The following POC1A variants were observed in gnomAD, a reference collection of about 807,000 sequenced individuals.
POC1A encodes the protein POC1 centriolar protein homolog A.
In POC1A, 34 loss-of-function variants were observed where a neutral mutation model predicts 47.8. The observed-to-expected ratio is 0.71, with a 90% CI of 0.54 to 0.95. The LOEUF is 0.95. Among genes scored for constraint, POC1A ranks in the 40% least tolerant of loss-of-function variants. The pLI, the probability that POC1A is intolerant of heterozygous loss-of-function variation, is 0.00. For synonymous variants in POC1A, 177 were observed against 207.6 expected (o/e 0.85, Z 1.27); for missense variants, 466 against 528.3 (o/e 0.88, Z 1.16).
At chr3:52,117,928 T>G (rs1703628263) in intron 9 of POC1A, among the ~76,000 whole-genome samples, 1 of 152,172 alleles carries the variant, frequency 6.6e-6, no homozygotes, top group Non-Finnish European at 1.5e-5. Context: ...GGTGTTAAAT[T>G]CAAGATCAGC....
intron 7 of POC1A, among the ~76,000 whole-genome samples, chr3:52,131,486 CCT>C (rs1191895909): frequency 3.9e-5 from 6 of 152,188 alleles, no homozygotes; most frequent in Admixed American, 2.6e-4. Context: ...TGTCACACCC[CCT>C]GACCAAGACT....
chr3:52,080,858 G>A (rs530117597), intron 10 of POC1A, among the ~76,000 whole-genome samples: 6 of 152,280 alleles, frequency 3.9e-5, no homozygotes, highest in African/African-American at 9.6e-5. Context: ...TCCCTAAATC[G>A]GAGTGACAGG....
At chr3:52,112,269 T>C (rs1209669501) in intron 9 of POC1A, among the ~76,000 whole-genome samples, 1 of 152,170 alleles carries the variant, frequency 6.6e-6, no homozygotes, top group Admixed American at 6.5e-5. Context: ...TTCTCCCGCC[T>C]CAGCCCTGAA....
intron 10 of POC1A, among the ~76,000 whole-genome samples, chr3:52,092,922 T>G (rs1702690709): frequency 6.6e-6 from 1 of 152,214 alleles, no homozygotes; most frequent in South Asian, 2.1e-4. Context: ...CCCCACTTGC[T>G]GGCTTGCTCC....
At position 52,119,168 on chromosome 3, in the gene POC1A, A is replaced by G. The variant is rs972884310; in HGVS notation, c.981+3211T>C. ...CCAGTTGAACAGAGTCCTCACACTC[A>G]AGGCTGCTGGAATAGTCCTCGTCCG... is the stretch of plus-strand genomic sequence containing the variant. On this transcript the variant is annotated intron_variant, in intron 9 of 10. Coordinates refer to ENST00000296484, the MANE Select transcript of POC1A (RefSeq NM_015426.5). Among the ~76,000 whole-genome samples the G allele has an allele frequency of 3.3e-5, 5 of 152,086 alleles. No individual in the cohort carries two copies. The South Asian group carries it at 1.0e-3, about 32-fold the overall frequency.
In POC1A at chr3:52,151,086, C is replaced by T. The variant is rs1254110559; in HGVS notation, c.33G>A (p.Leu11=). The T allele has an allele frequency of 1.2e-6, 2 of 1,609,880 alleles. No individual in the cohort carries two copies. The stretch of plus-strand genomic sequence containing the variant: ...CTCGGTGGCCCTTAAAATGCCTTTC[C>T]AGCGAGGGGTCCTCCTGAGAGAGAG... The part of the protein sequence containing the change: MAAPCAEDPS[L]ERHFKGHRDA... The change falls in exon 2 of 11, where the codon CTG becomes CTA. Residue 11 remains leucine, a synonymous_variant. Coordinates refer to ENST00000296484, the MANE Select transcript of POC1A (RefSeq NM_015426.5).
intron 10 of POC1A, among the ~76,000 whole-genome samples, chr3:52,096,199 G>A (rs995146634): frequency 2.6e-5 from 4 of 152,386 alleles, no homozygotes; most frequent in South Asian, 4.1e-4. Flanking sequence ...TAGGTTCTCA[G>A]AAGCCCTGAC....
chr3:52,128,084 CAA>C (rs1453790558), intron 7 of POC1A, among the ~76,000 whole-genome samples: 1 of 152,048 alleles, frequency 6.6e-6, no homozygotes, highest in African/African-American at 2.4e-5. Flanking sequence ...TGAGGAAAAA[CAA>C]AGAGGAAACA....
chr3:52,092,316 G>A (rs1290332784), intron 10 of POC1A, among the ~76,000 whole-genome samples: 3 of 152,212 alleles, frequency 2.0e-5, no homozygotes, highest in South Asian at 2.1e-4. Flanking sequence ...GGGAGGTCAA[G>A]TTTGGTTTGC....
At chr3:52,148,550 G>T (rs1437809152) in intron 4 of POC1A, among the ~76,000 whole-genome samples, 1 of 152,234 alleles carries the variant, frequency 6.6e-6, no homozygotes, top group South Asian at 2.1e-4. Flanking sequence ...CTTGGACCTT[G>T]AAAGGTCCTT....
intron 9 of POC1A, among the ~76,000 whole-genome samples, chr3:52,113,365 C>T (rs1703448089): frequency 6.6e-6 from 1 of 152,216 alleles, no homozygotes; most frequent in Non-Finnish European, 1.5e-5. Context: ...TCACCAGCCA[C>T]TGGCCAAAGG....
intron 1 of POC1A, 177 bp from the exon 2 acceptor site, chr3:52,151,277 T>C (rs776557294): frequency 1.8e-5 from 15 of 843,822 alleles, no homozygotes; most frequent in Non-Finnish European, 2.4e-5. Context: ...GAATAGTTTT[T>C]ACTATTTGAA....
Position 52,149,236 on chromosome 3 carries a change from C to T in POC1A, c.429G>A (p.Gln143=), listed in dbSNP as rs775028138. ...TGGCACAGCGGACCCAGTTGATATGCTGGCTCAGGGAGAACAGGAATTTCT... is the reference window on the plus strand; with the variant it reads ...TGGCACAGCGGACCCAGTTGATATGTTGGCTCAGGGAGAACAGGAATTTCT... The part of the protein sequence containing the change: ...HRQKFLFSLS[Q]HINWVRCAKF... Residue 143 remains glutamine, a synonymous_variant, in exon 4 of 11, where the codon CAG becomes CAA. Coordinates refer to ENST00000296484, the MANE Select transcript of POC1A (RefSeq NM_015426.5). 8 of 1,614,160 alleles carry T rather than the reference C, an allele frequency of 5.0e-6. No individual in the cohort carries two copies. In the South Asian group the frequency reaches 7.7e-5, roughly 16 times the overall value.
At chr3:52,141,711 G>C (rs549910990) in intron 6 of POC1A, among the ~76,000 whole-genome samples, 1 of 152,098 alleles carries the variant, frequency 6.6e-6, no homozygotes, top group Non-Finnish European at 1.5e-5. Context: ...CCCTCCGGCC[G>C]GGCATGGTGA....
At chr3:52,101,369 C>T (rs1257392509) in intron 9 of POC1A, among the ~76,000 whole-genome samples, 2 of 125,968 alleles carry the variant, frequency 1.6e-5, no homozygotes, top group African/African-American at 6.2e-5. Flanking sequence ...TTTAATAAAA[C>T]ATTATGAGAC....
intron 7 of POC1A, among the ~76,000 whole-genome samples, chr3:52,133,552 C>A (rs1219750166): frequency 6.6e-6 from 1 of 152,154 alleles, no homozygotes; most frequent in Non-Finnish European, 1.5e-5. Flanking sequence ...CACCAGCACA[C>A]AGGTCCAGCC....
intron 9 of POC1A, among the ~76,000 whole-genome samples, chr3:52,106,664 A>T (rs1290780885): frequency 1.3e-5 from 2 of 152,128 alleles, no homozygotes; most frequent in East Asian, 3.8e-4. Context: ...CCTCTCAGAA[A>T]GTGGTCCCTT....
At chr3:52,104,454 G>A (rs1314552017) in intron 9 of POC1A, among the ~76,000 whole-genome samples, 2 of 152,150 alleles carry the variant, frequency 1.3e-5, no homozygotes, top group Non-Finnish European at 2.9e-5. Context: ...TTTCTAAAAT[G>A]GTGAATGTTA....
chr3:52,122,319 T>C (rs1315411519), intron 9 of POC1A, 60 bp downstream of exon 9: 14 of 973,582 alleles, frequency 1.4e-5, no homozygotes, highest in Non-Finnish European at 2.3e-5. Flanking sequence ...CCAGAGCTGT[T>C]CACCATGACC....
Sources: gnomAD v4.1 joint callset for allele counts (sites outside exome capture counted in the v4.1 genomes callset) on GRCh38, gnomAD v4.1.1 for gene constraint, MANE v1.5 for transcripts, NCBI Gene and HGNC (gene_info 2026-07-23, HGNC 2026-07-21) for gene names.